The following SPAG16 variants were observed in gnomAD, a reference collection of about 807,000 sequenced individuals.
The protein encoded by SPAG16 is sperm-associated antigen 16 protein.
SPAG16 carries 86 observed loss-of-function variants against 80.4 expected under a neutral mutation model. The observed-to-expected ratio is 1.07, with a 90% CI of 0.90 to 1.28. The LOEUF is 1.28. Ranked by LOEUF, SPAG16 falls within the 50% of genes most tolerant of loss-of-function variation. SPAG16 has a pLI of 0.00. For missense variants in SPAG16, 870 were observed against 765.3 expected, an observed-to-expected ratio of 1.14 and a Z score of -1.61; for synonymous variants, 294 against 265.9, an observed-to-expected ratio of 1.11 and a Z score of -1.03.
chr2:214,222,459 C>G (rs2058603899), intron 15 of SPAG16, among the ~76,000 whole-genome samples: 1 of 152,070 alleles, frequency 6.6e-6, no homozygotes, highest in Non-Finnish European at 1.5e-5. Context: ...CTATTTGGAG[C>G]CAGAAATGAA....
intron 10 of SPAG16, among the ~76,000 whole-genome samples, chr2:213,692,826 GA>G (rs375602913): frequency 0.046 from 6,616 of 144,252 alleles, 191 homozygotes; most frequent in African/African-American, 0.067. Flanking sequence ...AAAAAAAAAA[GA>G]AAAAAAAAGT....
chr2:213,578,698 G>A (rs1156865648), intron 10 of SPAG16, among the ~76,000 whole-genome samples: 1 of 151,988 alleles, frequency 6.6e-6, no homozygotes, highest in African/African-American at 2.4e-5. Context: ...ATAGAGTCAA[G>A]GTTGCAAGAG....
intron 9 of SPAG16, among the ~76,000 whole-genome samples, chr2:213,473,387 A>G (rs1202321881): frequency 6.6e-6 from 1 of 152,218 alleles, no homozygotes; most frequent in East Asian, 1.9e-4. Flanking sequence ...TGACATACAG[A>G]GAAGAGCAAT....
intron 10 of SPAG16, among the ~76,000 whole-genome samples, chr2:213,700,716 A>T (rs2065370459): frequency 6.6e-6 from 1 of 152,222 alleles, no homozygotes; most frequent in African/African-American, 2.4e-5. Context: ...AATGAGTGTT[A>T]TTCATTGATA....
At chr2:214,064,561 CCAAGG>C (rs2050440983) in intron 13 of SPAG16, among the ~76,000 whole-genome samples, 2 of 151,944 alleles carry the variant, frequency 1.3e-5, no homozygotes, top group Non-Finnish European at 2.9e-5. Context: ...CATTTTAATT[CCAAGG>C]AGTGATTTTA....
chr2:213,662,294 C>T (rs1171661528), intron 10 of SPAG16, among the ~76,000 whole-genome samples: 2 of 151,916 alleles, frequency 1.3e-5, no homozygotes, highest in Admixed American at 6.6e-5. Flanking sequence ...TAAGACTTCT[C>T]TAAGTAAAAG....
chr2:213,425,733 A>G (rs1463006900), intron 9 of SPAG16, among the ~76,000 whole-genome samples: 1 of 151,982 alleles, frequency 6.6e-6, no homozygotes, highest in Non-Finnish European at 1.5e-5. Context: ...TCAGCATTAT[A>G]TGAATATTCT....
At chr2:213,940,231 A>G (rs1367932379) in intron 12 of SPAG16, among the ~76,000 whole-genome samples, 1 of 152,194 alleles carries the variant, frequency 6.6e-6, no homozygotes, top group Non-Finnish European at 1.5e-5. Context: ...TGATGGTTCC[A>G]ATTTTAGAGG....
chr2:213,415,078 A>G (rs531071949), intron 9 of SPAG16, among the ~76,000 whole-genome samples: 2 of 152,364 alleles, frequency 1.3e-5, no homozygotes, highest in South Asian at 2.1e-4. Flanking sequence ...ACACGTGGGA[A>G]TTACGGGAGT....
intron 10 of SPAG16, among the ~76,000 whole-genome samples, chr2:213,612,784 A>G (rs1311821511): frequency 2.0e-5 from 3 of 152,116 alleles, no homozygotes; most frequent in Non-Finnish European, 4.4e-5. Flanking sequence ...CCCAGGTTCA[A>G]GCGATTCTCC....
At chr2:213,943,185 A>G (rs984110178) in intron 12 of SPAG16, among the ~76,000 whole-genome samples, 1 of 152,210 alleles carries the variant, frequency 6.6e-6, no homozygotes, top group African/African-American at 2.4e-5. Flanking sequence ...AAACTGACTA[A>G]GATAGAAATT....
intron 12 of SPAG16, among the ~76,000 whole-genome samples, chr2:213,982,981 C>T (rs902253993): frequency 1.3e-5 from 2 of 151,878 alleles, no homozygotes; most frequent in Non-Finnish European, 2.9e-5. Flanking sequence ...ATCCAAAATA[C>T]AACTTCTAAT....
chr2:213,997,367 G>A (rs1020387212), intron 12 of SPAG16, among the ~76,000 whole-genome samples: 5 of 152,178 alleles, frequency 3.3e-5, no homozygotes, highest in African/African-American at 1.2e-4. Context: ...ATTCAGCTCA[G>A]AAGGGTTCGG....
In SPAG16 at chr2:214,384,764, T is replaced by C. The variant is rs867973521; in HGVS notation, c.1721-25376T>C. 2.0e-4 allele frequency among the ~76,000 whole-genome samples: 30 copies of C among 152,332 alleles called. No homozygotes were observed. The Middle Eastern group carries it at 0.014, about 69-fold the overall frequency. The stretch of plus-strand genomic sequence containing the variant: ...ATCTGCTGAGCTGTTTTCCAAAGCA[T>C]ATGGCTGCTGCTTCAAGTGGCAATG... On this transcript the variant is annotated intron_variant, in intron 15 of 15. Transcript: ENST00000331683.
chr2:213,652,122 A>T (rs2063045985), intron 10 of SPAG16, among the ~76,000 whole-genome samples: 1 of 152,304 alleles, frequency 6.6e-6, no homozygotes, highest in South Asian at 2.1e-4. Flanking sequence ...TGTCAGCATC[A>T]CCACTTATTA....
At chr2:214,058,444 A>T (rs746718305) in intron 13 of SPAG16, among the ~76,000 whole-genome samples, 1 of 152,202 alleles carries the variant, frequency 6.6e-6, no homozygotes, top group African/African-American at 2.4e-5. Flanking sequence ...ATATGTATTC[A>T]GATCATGGTG....
At chr2:214,221,039 C>T (rs78975985) in intron 15 of SPAG16, among the ~76,000 whole-genome samples, 3,404 of 152,194 alleles carry the variant, frequency 0.022, 87 homozygotes, top group East Asian at 0.071. Context: ...ATAATTCTAA[C>T]GGAGTGTCAC....
At chr2:214,408,433 A>G (rs1702117419) in intron 15 of SPAG16, among the ~76,000 whole-genome samples, 1 of 152,196 alleles carries the variant, frequency 6.6e-6, no homozygotes, top group Non-Finnish European at 1.5e-5. Flanking sequence ...AAATATTCAC[A>G]TCTGCTGCTT....
Position 213,477,590 on chromosome 2 carries a change from G to A in SPAG16, c.943-12373G>A, listed in dbSNP as rs532191799. On this transcript the variant is annotated intron_variant, in intron 9 of 15. Coordinates refer to ENST00000331683, the MANE Select transcript of SPAG16 (RefSeq NM_024532.5). ...GACTGCCCTGTTGGAGATCAGACTT[G>A]CATGGGGCCTGTAGCCCCTTTGTTT... 6.6e-5 allele frequency among the ~76,000 whole-genome samples: 10 copies of A among 152,344 alleles called. No individual in the cohort carries two copies. The South Asian group carries it at 2.1e-3, about 32-fold the overall frequency.
Sources: gnomAD v4.1 joint callset for allele counts (sites outside exome capture counted in the v4.1 genomes callset) on GRCh38, gnomAD v4.1.1 for gene constraint, MANE v1.5 for transcripts, NCBI Gene and HGNC (gene_info 2026-07-23, HGNC 2026-07-21) for gene names.